Variants in MS4A4E observed in about 807,000 individuals in gnomAD.
MS4A4E encodes the protein membrane spanning 4-domains A4E.
In MS4A4E, 23 loss-of-function variants were observed where a neutral mutation model predicts 13.3. That is an observed-to-expected ratio of 1.73 (90% CI 1.25 to 2.45). The LOEUF (loss-of-function observed/expected upper bound fraction) is 2.45. MS4A4E is among the 30% of genes most tolerant of loss of function. The pLI is 0.00. For missense variants in MS4A4E, 144 were observed against 131.2 expected (o/e 1.10, Z -0.48); for synonymous variants, 36 against 45.6 (o/e 0.79, Z 0.85).
At chr11:60,235,458 A>G (rs2084470925) in intron 1 of MS4A4E, among the ~76,000 whole-genome samples, 1 of 152,204 alleles carries the variant, frequency 6.6e-6, no homozygotes, top group Admixed American at 6.5e-5. Flanking sequence ...GGGAAAGGAC[A>G]CTTGCAGTTT....
intron 5 of MS4A4E, among the ~76,000 whole-genome samples, chr11:60,211,606 G>A (rs1255160469): frequency 6.6e-6 from 1 of 152,096 alleles, no homozygotes; most frequent in East Asian, 1.9e-4. Flanking sequence ...AAAATGACCA[G>A]TAGGCTTTTT....
At chr11:60,216,682 T>C (rs1405541636) in intron 3 of MS4A4E, among the ~76,000 whole-genome samples, 1 of 151,958 alleles carries the variant, frequency 6.6e-6, no homozygotes, top group Admixed American at 6.6e-5. Context: ...TTGCTGTCTG[T>C]TATGGTTAAT....
At chr11:60,242,737 A>G (rs2084566224) in intron 1 of MS4A4E, among the ~76,000 whole-genome samples, 1 of 152,128 alleles carries the variant, frequency 6.6e-6, no homozygotes, top group Non-Finnish European at 1.5e-5. Flanking sequence ...AGGCTTTTCT[A>G]ACTCCCATCA....
At chr11:60,225,687 G>A (rs985174935) in intron 3 of MS4A4E, among the ~76,000 whole-genome samples, 5 of 151,806 alleles carry the variant, frequency 3.3e-5, no homozygotes, top group Non-Finnish European at 5.9e-5. Flanking sequence ...AACATTGAAT[G>A]AATATATTAG....
chr11:60,224,878 G>T, intron 3 of MS4A4E: 1 of 1,155,812 alleles, frequency 8.7e-7, no homozygotes, highest in Non-Finnish European at 1.1e-6. Flanking sequence ...AGAATTACAA[G>T]ATAGAATTAG....
intron 1 of MS4A4E, among the ~76,000 whole-genome samples, chr11:60,235,500 G>T (rs1214312570): frequency 6.6e-6 from 1 of 152,204 alleles, no homozygotes; most frequent in African/African-American, 2.4e-5. Context: ...GTTCCCTTTA[G>T]ATCTTGCCAC....
At chr11:60,241,364 G>A (rs752886726) in intron 1 of MS4A4E, among the ~76,000 whole-genome samples, 12 of 152,106 alleles carry the variant, frequency 7.9e-5, no homozygotes, top group African/African-American at 1.7e-4. Context: ...AATCTCTCAC[G>A]CACACCTTCA....
chr11:60,218,867 T>C (rs1429973816), intron 3 of MS4A4E, among the ~76,000 whole-genome samples: 2 of 152,190 alleles, frequency 1.3e-5, no homozygotes, highest in African/African-American at 2.4e-5. Context: ...GGGATAATGG[T>C]GGAAGAACAT....
In MS4A4E at chr11:60,216,217, GA is replaced by G. The variant is rs563327325; in HGVS notation, c.179-1604del. Among the ~76,000 whole-genome samples, 146 of 152,298 alleles carry G rather than the reference GA, an allele frequency of 9.6e-4. 1 individual carries two copies. The highest frequency in any genetic ancestry group is 1.8e-3 in the Non-Finnish European group (125 of 68,026). On this transcript the variant is annotated intron_variant, in intron 3 of 8. Transcript: ENST00000651255. ...TCTAGTTCAATGCCTACAAGAGTCT[GA>G]GTGATGACTCAGTGGACAAACACAG...
At chr11:60,212,626 G>A (rs956372245) in intron 5 of MS4A4E, among the ~76,000 whole-genome samples, 3 of 152,056 alleles carry the variant, frequency 2.0e-5, no homozygotes, top group East Asian at 1.9e-4. Context: ...ACTTTTTGAC[G>A]CCATTTTTAG....
chr11:60,215,004 T>C (rs1174261935), intron 3 of MS4A4E, among the ~76,000 whole-genome samples: 1 of 152,060 alleles, frequency 6.6e-6, no homozygotes, highest in African/African-American at 2.4e-5. Flanking sequence ...AGTTATAAAA[T>C]AAAATAGTAG....
rs188046344 is a variant in MS4A4E, at chr11:60,238,218, C to T, written c.-17+4740G>A. Among the ~76,000 whole-genome samples, 5 of 151,898 alleles carry T rather than the reference C, an allele frequency of 3.3e-5. No individual in the cohort carries two copies. In the East Asian group the frequency reaches 9.7e-4, roughly 29 times the overall value. On this transcript the variant is annotated intron_variant, in intron 1 of 8. Coordinates refer to ENST00000651255, the MANE Select transcript of MS4A4E (RefSeq NM_001393391.1). Reference sequence around the variant, plus strand: ...AATAAGTTTGGAATTGTTCCCTTCTCTTCTAGTTTTTGATGGAAGGGTATT... The same window carrying T: ...AATAAGTTTGGAATTGTTCCCTTCTTTTCTAGTTTTTGATGGAAGGGTATT...
chr11:60,209,989 A>T (rs1417902021), intron 5 of MS4A4E, among the ~76,000 whole-genome samples: 1 of 152,234 alleles, frequency 6.6e-6, no homozygotes, highest in Non-Finnish European at 1.5e-5. Flanking sequence ...CAAACAAAAC[A>T]GACAATTCCC....
rs561148232 is a variant in MS4A4E at position 60,213,396 on chromosome 11, A to G, written c.223-264T>C. ...GGTTTTCAATGATTTTTTACACATTAGCTGGACAGTCATGTCTGTGTCCTT... is the reference window on the plus strand; with the variant it reads ...GGTTTTCAATGATTTTTTACACATTGGCTGGACAGTCATGTCTGTGTCCTT... On this transcript the variant is annotated intron_variant, in intron 4 of 8. Transcript: ENST00000651255. 229 of 1,180,318 alleles carry G rather than the reference A, an allele frequency of 1.9e-4. No individual in the cohort carries two copies. In the African/African-American group the frequency reaches 3.0e-3, roughly 15 times the overall value. The allele number at this position is 1,180,318 out of a possible 1,614,324, so 73.1% of individuals were successfully genotyped here.
chr11:60,240,454 T>G (rs531838050), intron 1 of MS4A4E, among the ~76,000 whole-genome samples: 1 of 152,294 alleles, frequency 6.6e-6, no homozygotes, highest in Admixed American at 6.5e-5. Context: ...CCCCTGACTT[T>G]GTAGCCAAAT....
At chr11:60,228,220 A>C (rs768240888) in intron 3 of MS4A4E, among the ~76,000 whole-genome samples, 4 of 152,248 alleles carry the variant, frequency 2.6e-5, no homozygotes, top group Non-Finnish European at 5.9e-5. Flanking sequence ...TATTCAAAAT[A>C]TACAACGAAA....
At chr11:60,234,761 A>G (rs2084458362) in intron 1 of MS4A4E, among the ~76,000 whole-genome samples, 1 of 144,832 alleles carries the variant, frequency 6.9e-6, no homozygotes, top group African/African-American at 2.5e-5. Context: ...GAAATAAACA[A>G]ATATCTACAA....
At chr11:60,226,089 AT>A (rs1185455626) in intron 3 of MS4A4E, among the ~76,000 whole-genome samples, 1 of 151,838 alleles carries the variant, frequency 6.6e-6, no homozygotes, top group Non-Finnish European at 1.5e-5. Flanking sequence ...ATTTGTCAAA[AT>A]TCACACAAGA....
At chr11:60,216,117 T>C (rs543453410) in intron 3 of MS4A4E, among the ~76,000 whole-genome samples, 1 of 152,098 alleles carries the variant, frequency 6.6e-6, no homozygotes, top group African/African-American at 2.4e-5. Flanking sequence ...GCAGGTGATG[T>C]TCGGAAAAAA....
Sources: gnomAD v4.1 joint callset for allele counts (sites outside exome capture counted in the v4.1 genomes callset) on GRCh38, gnomAD v4.1.1 for gene constraint, MANE v1.5 for transcripts, NCBI Gene and HGNC (gene_info 2026-07-23, HGNC 2026-07-21) for gene names.